CNBD1: variants seen among roughly 807,000 people sequenced by gnomAD.
CNBD1 encodes cyclic nucleotide-binding domain-containing protein 1.
CNBD1 carries 71 observed loss-of-function variants against 54.4 expected under a neutral mutation model. That is an observed-to-expected ratio of 1.30 (90% confidence interval 1.08 to 1.59). The LOEUF (loss-of-function observed/expected upper bound fraction) is 1.59. Among genes scored for constraint, CNBD1 ranks in the 40% most tolerant of loss-of-function variants. CNBD1 has a pLI of 0.00. For synonymous variants in CNBD1, 182 were observed against 170.7 expected (o/e 1.07, Z -0.51); for missense variants, 659 against 518.0 (o/e 1.27, Z -2.64).
At chr8:86,974,357 A>T (rs1020861326) in intron 4 of CNBD1, among the ~76,000 whole-genome samples, 9 of 152,100 alleles carry the variant, frequency 5.9e-5, no homozygotes, top group African/African-American at 1.4e-4. Context: ...AATGTAGATA[A>T]ACATTCCCAT....
intron 4 of CNBD1, among the ~76,000 whole-genome samples, chr8:87,015,520 A>G (rs1261689413): frequency 6.6e-6 from 1 of 152,120 alleles, no homozygotes; most frequent in South Asian, 2.1e-4. Context: ...AAAGTTTTTA[A>G]GTTTTTAAAT....
chr8:86,975,785 G>GT (rs1294186814), intron 4 of CNBD1, among the ~76,000 whole-genome samples: 1 of 151,746 alleles, frequency 6.6e-6, no homozygotes, highest in Admixed American at 6.6e-5. Flanking sequence ...TCTATTTTTA[G>GT]TTTTTTGGAG....
At chr8:87,025,240 C>T (rs1809612373) in intron 4 of CNBD1, among the ~76,000 whole-genome samples, 1 of 152,082 alleles carries the variant, frequency 6.6e-6, no homozygotes, top group Admixed American at 6.5e-5. Flanking sequence ...ATGGACCAAT[C>T]CCCAGGATGT....
intron 8 of CNBD1, among the ~76,000 whole-genome samples, chr8:87,302,154 C>T (rs1809012990): frequency 6.6e-6 from 1 of 152,166 alleles, no homozygotes; most frequent in East Asian, 1.9e-4. Context: ...AAGCATCATC[C>T]TGATACCAAA....
At chr8:86,878,568 C>A (rs1473269230) in intron 1 of CNBD1, among the ~76,000 whole-genome samples, 3 of 126,404 alleles carry the variant, frequency 2.4e-5, no homozygotes, top group Non-Finnish European at 5.0e-5. Context: ...ATTATCACAA[C>A]TTTATTCTGA....
intron 4 of CNBD1, among the ~76,000 whole-genome samples, chr8:87,050,965 T>C (rs1810299189): frequency 6.6e-6 from 1 of 152,146 alleles, no homozygotes; most frequent in South Asian, 2.1e-4. Context: ...GGTATAGCGA[T>C]TGTTCAGCCA....
At chr8:87,303,964 G>A (rs189313112) in intron 8 of CNBD1, among the ~76,000 whole-genome samples, 34 of 151,936 alleles carry the variant, frequency 2.2e-4, no homozygotes, top group South Asian at 4.1e-4. Flanking sequence ...TTAGAATGTC[G>A]ATCATTAAAA....
intron 5 of CNBD1, among the ~76,000 whole-genome samples, chr8:87,229,045 G>C (rs1040042254): frequency 2.0e-5 from 3 of 152,206 alleles, no homozygotes; most frequent in African/African-American, 7.2e-5. Flanking sequence ...TCTTTGATTA[G>C]GAAAGGGAAC....
rs141517511 is a variant in CNBD1, at chr8:87,131,339, A to G, written c.432-74654A>G. Among the ~76,000 whole-genome samples, 404 of 152,198 alleles carry G rather than the reference A, an allele frequency of 2.7e-3. 2 individuals are homozygous for G. Among genetic ancestry groups the G allele is most frequent in the African/African-American group, 9.0e-3 (372 of 41,560 alleles). On this transcript the variant is annotated intron_variant, in intron 4 of 10. Transcript: ENST00000518476. ...ATTTATCTATTTGCTTTAAAATTATACTACTTTGGAACATTTAAAATGGTT... is the reference window on the plus strand; with the variant it reads ...ATTTATCTATTTGCTTTAAAATTATGCTACTTTGGAACATTTAAAATGGTT...
intron 6 of CNBD1, among the ~76,000 whole-genome samples, chr8:87,282,988 G>T (rs181105085): frequency 1.3e-5 from 2 of 152,126 alleles, no homozygotes; most frequent in East Asian, 3.9e-4. Context: ...AAAACTTGCA[G>T]CCATTATCAC....
In CNBD1 at chr8:87,315,211, A is replaced by T. The variant is rs917470364; in HGVS notation, c.1042+28540A>T. Among the ~76,000 whole-genome samples, 8 of 152,160 alleles carry T rather than the reference A, an allele frequency of 5.3e-5. No homozygotes were observed. In the South Asian group the frequency reaches 1.7e-3, roughly 32 times the overall value. ...TAGTGTAACAAATATTTTGTTTTAG[A>T]CAAATAGTGAATAGAGGTGAATATA... On this transcript the variant is annotated intron_variant, in intron 8 of 10. Transcript: ENST00000518476.
At chr8:87,374,765 G>A (rs1384285862) in intron 10 of CNBD1, among the ~76,000 whole-genome samples, 1 of 151,636 alleles carries the variant, frequency 6.6e-6, no homozygotes, top group Non-Finnish European at 1.5e-5. Context: ...ATCACGTGAT[G>A]ATGAGAACCT....
At chr8:87,132,128 AT>A (rs1269451796) in intron 4 of CNBD1, among the ~76,000 whole-genome samples, 1 of 151,670 alleles carries the variant, frequency 6.6e-6, no homozygotes, top group Non-Finnish European at 1.5e-5. Context: ...TTTTTATGCC[AT>A]TTTTTCAACA....
chr8:87,245,617 A>C (rs1180950251), intron 6 of CNBD1, among the ~76,000 whole-genome samples: 2 of 152,056 alleles, frequency 1.3e-5, no homozygotes, highest in Non-Finnish European at 2.9e-5. Flanking sequence ...AAGATTAAAA[A>C]AAAGTGTTAT....
rs563574556 is a variant in CNBD1 at position 87,117,858 on chromosome 8, A to C, written c.432-88135A>C. ...TAAGTCAAATTATAAATCACATTCTATTTATTTAAAAATATTTATTGAGGA... is the reference window on the plus strand; with the variant it reads ...TAAGTCAAATTATAAATCACATTCTCTTTATTTAAAAATATTTATTGAGGA... On this transcript the variant is annotated intron_variant, in intron 4 of 10. Transcript: ENST00000518476. 1.1e-4 allele frequency among the ~76,000 whole-genome samples: 16 copies of C among 152,300 alleles called. No homozygotes were observed. In the South Asian group the frequency reaches 3.1e-3, roughly 30 times the overall value.
intron 4 of CNBD1, among the ~76,000 whole-genome samples, chr8:87,109,068 T>C (rs1213085064): frequency 6.6e-6 from 1 of 152,178 alleles, no homozygotes; most frequent in Non-Finnish European, 1.5e-5. Flanking sequence ...TTTATCCAAA[T>C]ACATAATCAG....
At chr8:87,348,166 A>C (rs913086131) in intron 8 of CNBD1, among the ~76,000 whole-genome samples, 1 of 152,210 alleles carries the variant, frequency 6.6e-6, no homozygotes, top group Non-Finnish European at 1.5e-5. Context: ...CACAGAATTC[A>C]GAAGGCATTG....
chr8:86,945,564 G>GCTGATCAA (rs1807447043), intron 4 of CNBD1, among the ~76,000 whole-genome samples: 1 of 152,118 alleles, frequency 6.6e-6, no homozygotes, highest in East Asian at 1.9e-4. Context: ...AACACTTTGT[G>GCTGATCAA]GGGCTATTAA....
chr8:86,939,461 TTA>T, intron 3 of CNBD1, 133 bp from the exon 4 acceptor site: 1 of 516,068 alleles, frequency 1.9e-6, no homozygotes. Context: ...TCTAATGCAT[TTA>T]AAAAGAATAT....
Sources: gnomAD v4.1 joint callset for allele counts (sites outside exome capture counted in the v4.1 genomes callset) on GRCh38, gnomAD v4.1.1 for gene constraint, MANE v1.5 for transcripts, NCBI Gene and HGNC (gene_info 2026-07-23, HGNC 2026-07-21) for gene names.